The following SEC24D variants were observed in gnomAD, a reference collection of about 807,000 sequenced individuals.
The protein encoded by SEC24D is protein transport protein Sec24D.
SEC24D carries 69 observed loss-of-function variants against 116.9 expected under a neutral mutation model. The observed-to-expected ratio is 0.59, with a 90% CI of 0.49 to 0.72. The LOEUF (loss-of-function observed/expected upper bound fraction) is 0.72, where lower values mean the gene tolerates loss of function less well. SEC24D is among the 30% of genes least tolerant of loss of function. The pLI is 0.00. For synonymous variants in SEC24D, 405 were observed against 442.8 expected (o/e 0.91, Z 1.07); for missense variants, 1,131 against 1,264.1 (o/e 0.89, Z 1.60).
intron 2 of SEC24D, 165 bp downstream of exon 2, chr4:118,833,414 T>C (rs1024383245): frequency 1.8e-5 from 10 of 547,438 alleles, no homozygotes; most frequent in Admixed American, 1.0e-4. Context: ...AAACTAGTGA[T>C]GTAGAGTTCT....
chr4:118,806,521 T>C (rs1462152974), intron 6 of SEC24D, among the ~76,000 whole-genome samples: 2 of 151,474 alleles, frequency 1.3e-5, no homozygotes, highest in Non-Finnish European at 2.9e-5. Context: ...AGAGACAGGG[T>C]CTCCTCTCCC....
At chr4:118,818,801 T>C (rs1471576349) in intron 3 of SEC24D, among the ~76,000 whole-genome samples, 1 of 152,152 alleles carries the variant, frequency 6.6e-6, no homozygotes, top group Admixed American at 6.5e-5. Flanking sequence ...TTCTTTCCAT[T>C]GTACGCACAA....
intron 7 of SEC24D, among the ~76,000 whole-genome samples, chr4:118,802,492 A>G (rs1729486330): frequency 6.6e-6 from 1 of 152,184 alleles, no homozygotes; most frequent in African/African-American, 2.4e-5. Flanking sequence ...CTACATCCTA[A>G]AAAGCTTATT....
At chr4:118,801,969 T>G (rs1465625001) in intron 7 of SEC24D, among the ~76,000 whole-genome samples, 1 of 152,200 alleles carries the variant, frequency 6.6e-6, no homozygotes, top group African/African-American at 2.4e-5. Context: ...AATAAATTCA[T>G]TCCACAAACA....
chr4:118,797,667 T>C lies in SEC24D; in HGVS notation c.1041+16A>G, dbSNP rs750183374. The stretch of plus-strand genomic sequence containing the variant: ...AATTGATAAATTATTGAATTGCTAT[T>C]ATATATCATTCTTACCTCATTTGAA... On this transcript the variant is annotated intron_variant, in intron 8 of 22. Transcript: ENST00000280551. 6.4e-7 allele frequency: 1 copy of C among 1,553,114 alleles called. No homozygotes were observed. The highest frequency in any genetic ancestry group is 1.2e-5 in the South Asian group (1 of 82,328).
chr4:118,815,947 G>A (rs1160904186), intron 4 of SEC24D, among the ~76,000 whole-genome samples: 10 of 151,846 alleles, frequency 6.6e-5, no homozygotes. Flanking sequence ...TTAAGGACAG[G>A]GTCTTGCTCT....
chr4:118,765,739 G>A (rs1026087845), intron 9 of SEC24D, among the ~76,000 whole-genome samples: 4 of 151,932 alleles, frequency 2.6e-5, no homozygotes, highest in Non-Finnish European at 5.9e-5. Context: ...AATGCTTCTT[G>A]TTTTTAAGCC....
rs988674753 is a variant in SEC24D, at chr4:118,791,849, G to A, written c.1041+5834C>T. The stretch of plus-strand genomic sequence containing the variant: ...CGCTCAATGTTGCCCAGGCTGGAGT[G>A]CAGTGGCGTGATCTTGGCTCGCTAC... On this transcript the variant is annotated intron_variant, in intron 8 of 22. Coordinates refer to ENST00000280551, the MANE Select transcript of SEC24D (RefSeq NM_014822.4). 2.6e-5 allele frequency among the ~76,000 whole-genome samples: 4 copies of A among 152,298 alleles called. No individual in the cohort carries two copies. In the East Asian group the frequency reaches 7.7e-4, roughly 29 times the overall value.
intron 8 of SEC24D, among the ~76,000 whole-genome samples, chr4:118,776,847 T>C (rs1342451065): frequency 6.6e-6 from 1 of 152,176 alleles, no homozygotes; most frequent in Non-Finnish European, 1.5e-5. Flanking sequence ...GATTAATATA[T>C]CTTAGACTTA....
chr4:118,831,973 C>T (rs953976514), intron 2 of SEC24D, among the ~76,000 whole-genome samples: 1 of 152,046 alleles, frequency 6.6e-6, no homozygotes, highest in Non-Finnish European at 1.5e-5. Context: ...GAGGTGGAGG[C>T]GGGTGGATCA....
chr4:118,743,041 A>G (rs1482010421), intron 15 of SEC24D, among the ~76,000 whole-genome samples: 1 of 152,066 alleles, frequency 6.6e-6, no homozygotes, highest in Non-Finnish European at 1.5e-5. Context: ...GTGAATCAGC[A>G]AGCCCACTTG....
chr4:118,817,778 C>T (rs1051620135), intron 3 of SEC24D, among the ~76,000 whole-genome samples: 5 of 152,170 alleles, frequency 3.3e-5, no homozygotes, highest in African/African-American at 1.2e-4. Context: ...GCGGCTCATG[C>T]CTATTATCCT....
chr4:118,765,379 T>C (rs1218533167), intron 9 of SEC24D, among the ~76,000 whole-genome samples: 2 of 152,262 alleles, frequency 1.3e-5, no homozygotes, highest in Non-Finnish European at 2.9e-5. Flanking sequence ...GTTTGCATGG[T>C]AATCTTTTAA....
At position 118,742,008 on chromosome 4, in the gene SEC24D, T is replaced by C. The variant is rs555367374; in HGVS notation, c.1996-971A>G. 4.6e-5 allele frequency among the ~76,000 whole-genome samples: 7 copies of C among 152,316 alleles called. No individual in the cohort carries two copies. The South Asian group carries it at 1.4e-3, about 32-fold the overall frequency. ...AACACTCTTTTATTATAAAATATTT[T>C]ACTGCCTGTTTACATCTTACTGGCT... On this transcript the variant is annotated intron_variant, in intron 15 of 22. Transcript: ENST00000280551.
chr4:118,824,360 G>A lies in SEC24D; in HGVS notation c.248+260C>T, dbSNP rs188944131. Among the ~76,000 whole-genome samples the A allele has an allele frequency of 3.3e-5, 5 of 152,128 alleles. No individual in the cohort carries two copies. In the East Asian group the frequency reaches 9.7e-4, roughly 29 times the overall value. ...GAGGTCTCACTATGTTGCCTAGCCTGGTCTCAAACTCCTGGGCTCAAGCCA... is the reference window on the plus strand; with the variant it reads ...GAGGTCTCACTATGTTGCCTAGCCTAGTCTCAAACTCCTGGGCTCAAGCCA... On this transcript the variant is annotated intron_variant, in intron 3 of 22. Coordinates refer to ENST00000280551, the MANE Select transcript of SEC24D (RefSeq NM_014822.4).
At chr4:118,807,603 T>C (rs1729731004) in intron 6 of SEC24D, among the ~76,000 whole-genome samples, 1 of 152,136 alleles carries the variant, frequency 6.6e-6, no homozygotes, top group Admixed American at 6.5e-5. Context: ...CAGTTTTTAA[T>C]ATTCTTAAAA....
chr4:118,818,154 T>C (rs1446629826), intron 3 of SEC24D, among the ~76,000 whole-genome samples: 2 of 152,352 alleles, frequency 1.3e-5, no homozygotes, highest in East Asian at 3.9e-4. Flanking sequence ...ATCTGGACAA[T>C]GTGCCTAGCA....
intron 13 of SEC24D, among the ~76,000 whole-genome samples, chr4:118,750,623 A>G (rs1726775651): frequency 6.6e-6 from 1 of 152,232 alleles, no homozygotes; most frequent in Non-Finnish European, 1.5e-5. Context: ...GTGTACAGGA[A>G]CATTTACATA....
At chr4:118,782,341 C>T (rs1406781750) in intron 8 of SEC24D, among the ~76,000 whole-genome samples, 3 of 152,172 alleles carry the variant, frequency 2.0e-5, no homozygotes, top group African/African-American at 7.2e-5. Flanking sequence ...TAACAGGTCC[C>T]TCAGCAGCAG....
Sources: gnomAD v4.1 joint callset for allele counts (sites outside exome capture counted in the v4.1 genomes callset) on GRCh38, gnomAD v4.1.1 for gene constraint, MANE v1.5 for transcripts, NCBI Gene and HGNC (gene_info 2026-07-23, HGNC 2026-07-21) for gene names.